The following OR8B3 variants were observed in gnomAD, a reference collection of about 807,000 sequenced individuals.
The protein encoded by OR8B3 is olfactory receptor family 8 subfamily B member 3.
For missense variants in OR8B3, 278 were observed against 377.6 expected, an observed-to-expected ratio of 0.74 and a Z score of 2.19; for synonymous variants, 102 against 135.4, an observed-to-expected ratio of 0.75 and a Z score of 1.71.
the OR8B3 span, among the ~76,000 whole-genome samples, chr11:124,409,061 C>G: frequency 1.7e-4 from 26 of 152,122 alleles, 1 homozygote; most frequent in Middle Eastern, 3.4e-3. Flanking sequence ...AAGAATTCTC[C>G]CAGGTTAAGC....
the OR8B3 span, among the ~76,000 whole-genome samples, chr11:124,407,400 A>G: frequency 6.6e-6 from 1 of 152,162 alleles, no homozygotes; most frequent in Non-Finnish European, 1.5e-5. Flanking sequence ...AACGTAGTAC[A>G]GAGAGTTCTC....
the OR8B3 span, among the ~76,000 whole-genome samples, chr11:124,408,397 T>G: frequency 6.6e-6 from 1 of 152,222 alleles, no homozygotes; most frequent in Non-Finnish European, 1.5e-5. Flanking sequence ...ATGTAAGATG[T>G]AGTTTTTTAA....
intron 1 of OR8B3, 31 bp from the exon 2 acceptor site, chr11:124,397,399 A>T: frequency 1.2e-6 from 1 of 860,960 alleles, no homozygotes. Context: ...TCTATTAGGA[A>T]CACAGATTTC....
chr11:124,397,987 G>A (rs1565351365), intron 1 of OR8B3, among the ~76,000 whole-genome samples: 1 of 152,128 alleles, frequency 6.6e-6, no homozygotes, highest in Non-Finnish European at 1.5e-5. Context: ...GAACCACCGA[G>A]CCTGGCCACT....
upstream of OR8B3, among the ~76,000 whole-genome samples, chr11:124,399,925 A>G (rs999265202): frequency 8.6e-5 from 13 of 151,058 alleles, no homozygotes; most frequent in South Asian, 2.1e-4. Flanking sequence ...CTTTGCTGCA[A>G]TCACAGCTTA....
chr11:124,403,433 A>G (rs1357361338), upstream of OR8B3, among the ~76,000 whole-genome samples: 1 of 151,280 alleles, frequency 6.6e-6, no homozygotes. Flanking sequence ...CTCACTTCTC[A>G]GACGGGGCGG....
In OR8B3 at chr11:124,396,842, A is replaced by G; in HGVS notation, c.510T>C (p.Ser170=). The change falls in exon 2 of 2, where the codon AGT becomes AGC. Residue 170 remains serine, a synonymous_variant. Coordinates refer to ENST00000641139, the MANE Select transcript of OR8B3 (RefSeq NM_001005467.2). ...TGCMLRLTFC[S]ANIINHYLCD... is the part of the protein sequence containing the mutation. The stretch of plus-strand genomic sequence containing the variant: ...ACAAGTAATGGTTGATGATATTAGC[A>G]CTGCAGAAGGTGAGTCTAAGCATGC... 6.2e-7 allele frequency: 1 copy of G among 1,610,504 alleles called. No homozygotes were observed. The highest frequency in any genetic ancestry group is 1.1e-5 in the South Asian group (1 of 90,842).
chr11:124,405,922 G>A, the OR8B3 span, among the ~76,000 whole-genome samples: 7 of 152,100 alleles, frequency 4.6e-5, no homozygotes, highest in East Asian at 1.9e-4. Flanking sequence ...ATTTCATGTC[G>A]GGAAATCCAA....
At position 124,396,357 on chromosome 11, in the gene OR8B3, C is replaced by T; in HGVS notation, c.*53G>A. The T allele has an allele frequency of 6.9e-7, 1 of 1,449,796 alleles. No individual in the cohort carries two copies. The highest frequency in any genetic ancestry group is 9.3e-7 in the Non-Finnish European group (1 of 1,073,244). The allele number at this position is 1,449,796 out of a possible 1,614,324, so 89.8% of individuals were successfully genotyped here. The stretch of plus-strand genomic sequence containing the variant: ...AACAACAAAATCTCTTCATGGAACA[C>T]ACTAATAAAAATTTAAAGTTCTTCA... On this transcript the variant is annotated 3_prime_UTR_variant, in exon 2 of 2. Coordinates refer to ENST00000641139, the MANE Select transcript of OR8B3 (RefSeq NM_001005467.2).
rs764279875 is a variant in OR8B3 at position 124,396,939 on chromosome 11, T to C, written c.413A>G (p.His138Arg). The change falls in exon 2 of 2, where the codon CAT becomes CGT. Residue 138 changes from histidine (H) to arginine (R), a missense_variant. Physicochemically the swap from His to Arg is conservative, Grantham distance 29. Transcript: ENST00000641139. ...AAAAGTGAGCATAGAACAGACCTGATGGGACATGGTGACCTTATACAGCAA... is the reference window on the plus strand; with the variant it reads ...AAAAGTGAGCATAGAACAGACCTGACGGGACATGGTGACCTTATACAGCAA... ...NPLLYKVTMSHQVCSMLTFAA... is the reference protein window; with the variant it reads ...NPLLYKVTMSRQVCSMLTFAA... 6 of 1,609,830 alleles carry C rather than the reference T, an allele frequency of 3.7e-6. No homozygotes were observed. In the Admixed American group the frequency reaches 8.4e-5, roughly 23 times the overall value.
chr11:124,395,719 C>G lies in OR8B3; in HGVS notation c.*691G>C, dbSNP rs1162670423. ...CCACTTATTGGAATCCTGAGGTCCA[C>G]ATGTATTATTTCTCTAATCATCCTC... is the stretch of plus-strand genomic sequence containing the variant. On this transcript the variant is annotated 3_prime_UTR_variant, in exon 2 of 2. Transcript: ENST00000641139. 1 of 152,168 alleles carries G rather than the reference C, an allele frequency of 6.6e-6. No individual in the cohort carries two copies. The highest frequency in any genetic ancestry group is 1.5e-5 in the Non-Finnish European group (1 of 68,042). The allele number at this position is 152,168 out of a possible 1,614,324, so 9.4% of individuals were successfully genotyped here.
chr11:124,397,750 G>A (rs1434181465), intron 1 of OR8B3, among the ~76,000 whole-genome samples: 1 of 151,496 alleles, frequency 6.6e-6, no homozygotes, highest in Non-Finnish European at 1.5e-5. Flanking sequence ...TGGCTGGAGT[G>A]CAATGGTGGG....
In OR8B3 at chr11:124,397,280, C is replaced by CCGG; in HGVS notation, c.71_72insCCG (p.Gln24delinsHisArg). On this transcript the variant is annotated protein_altering_variant, in exon 2 of 2. Transcript: ENST00000641139. The stretch of plus-strand genomic sequence containing the variant: ...CTAGAAACAGGAAAAAGAGGGGTTG[C>CCGG]TGGAACTCTGGATGATCTGTTAATC... 1 of 1,221,042 alleles carries CCGG rather than the reference C, an allele frequency of 8.2e-7. No homozygotes were observed. Among genetic ancestry groups the CCGG allele is most frequent in the South Asian group, 1.3e-5 (1 of 75,978 alleles). The allele number at this position is 1,221,042 out of a possible 1,614,324, so 75.6% of individuals were successfully genotyped here. A position where few individuals can be genotyped will look rare whatever the true frequency, so the allele number is the denominator to read the frequency against.
rs1287994470 is a variant in OR8B3 at position 124,397,064 on chromosome 11, C to G, written c.288G>C (p.Gly96=). 1 of 1,613,724 alleles carries G rather than the reference C, an allele frequency of 6.2e-7. No homozygotes were observed. Among genetic ancestry groups the G allele is most frequent in the African/African-American group, 1.3e-5 (1 of 74,878 alleles). Residue 96 remains glycine (G), a synonymous_variant, in exon 2 of 2, where the codon GGG becomes GGC. Coordinates refer to ENST00000641139, the MANE Select transcript of OR8B3 (RefSeq NM_001005467.2). ...GAAAGAAAAACAGCTGAGTCATGCA[C>G]CCAACATAGGAGATAATATTCTTTT... is the stretch of plus-strand genomic sequence containing the variant. ...VSKKNIISYV[G]CMTQLFFFLF...
At chr11:124,399,451 C>T (rs1473382479), upstream of OR8B3, among the ~76,000 whole-genome samples, 1 of 151,734 alleles carries the variant, frequency 6.6e-6, no homozygotes, top group Admixed American at 6.6e-5. Context: ...ATGTATTTAC[C>T]TTGGGTTGCT....
chr11:124,408,911 GA>G, the OR8B3 span, among the ~76,000 whole-genome samples: 30 of 152,182 alleles, frequency 2.0e-4, no homozygotes, highest in Non-Finnish European at 4.4e-4. Flanking sequence ...TAGGACTGCA[GA>G]ACAACCTCTG....
At chr11:124,407,196 A>T in the OR8B3 span, among the ~76,000 whole-genome samples, 2 of 152,138 alleles carry the variant, frequency 1.3e-5, no homozygotes, top group African/African-American at 4.8e-5. Flanking sequence ...GTTTAATGGG[A>T]TGTCCTCTAG....
chr11:124,402,368 A>G (rs1392114581), upstream of OR8B3, among the ~76,000 whole-genome samples: 1 of 152,214 alleles, frequency 6.6e-6, no homozygotes. Context: ...TGAATGTTTA[A>G]TCAATTCAGT....
chr11:124,406,899 A>G, the OR8B3 span, among the ~76,000 whole-genome samples: 1 of 152,066 alleles, frequency 6.6e-6, no homozygotes, highest in African/African-American at 2.4e-5. Flanking sequence ...CAGTAGTTGC[A>G]TTATTAACAC....
Sources: gnomAD v4.1 joint callset for allele counts (sites outside exome capture counted in the v4.1 genomes callset) on GRCh38, gnomAD v4.1.1 for gene constraint, MANE v1.5 for transcripts, NCBI Gene and HGNC (gene_info 2026-07-23, HGNC 2026-07-21) for gene names.